Variants in CACNA2D3 observed in about 807,000 individuals in gnomAD.
CACNA2D3 encodes the protein voltage-dependent calcium channel subunit alpha-2/delta-3.
A neutral mutation model predicts 160.6 loss-of-function variants in CACNA2D3; 60 were observed. The ratio of observed to expected loss-of-function variants is 0.37; its 90% CI spans 0.30 to 0.46. The LOEUF (loss-of-function observed/expected upper bound fraction) is 0.46. Among genes scored for constraint, CACNA2D3 ranks in the 20% least tolerant of loss-of-function variants. The pLI, the probability that CACNA2D3 is intolerant of heterozygous loss-of-function variation, is 1.00. For missense variants in CACNA2D3, 1,205 were observed against 1,365.0 expected (o/e 0.88, Z 1.85); for synonymous variants, 558 against 492.9 (o/e 1.13, Z -1.75).
chr3:54,578,114 C>A (rs117529379), intron 8 of CACNA2D3, among the ~76,000 whole-genome samples: 1 of 152,286 alleles, frequency 6.6e-6, no homozygotes, highest in East Asian at 1.9e-4. Flanking sequence ...GAAGGACTAA[C>A]CACTTGGGCA....
intron 2 of CACNA2D3, among the ~76,000 whole-genome samples, chr3:54,273,884 A>G (rs538618289): frequency 1.3e-5 from 2 of 152,328 alleles, no homozygotes; most frequent in South Asian, 2.1e-4. Context: ...CTCTAGGGCA[A>G]CTAGGATTTT....
intron 11 of CACNA2D3, among the ~76,000 whole-genome samples, chr3:54,692,043 C>T (rs1354782479): frequency 6.6e-6 from 1 of 151,976 alleles, no homozygotes; most frequent in Non-Finnish European, 1.5e-5. Context: ...GGCGTGACCT[C>T]GGCTCACTGC....
At chr3:54,907,543 AT>A (rs1341876876) in intron 27 of CACNA2D3, among the ~76,000 whole-genome samples, 1 of 152,096 alleles carries the variant, frequency 6.6e-6, no homozygotes, top group African/African-American at 2.4e-5. Context: ...CTAAATTATT[AT>A]TGTCGCCCTC....
intron 2 of CACNA2D3, among the ~76,000 whole-genome samples, chr3:54,156,538 C>T (rs994554267): frequency 1.3e-5 from 2 of 152,224 alleles, no homozygotes; most frequent in Non-Finnish European, 2.9e-5. Flanking sequence ...GAGCCAGACT[C>T]CACGATGGCC....
intron 4 of CACNA2D3, among the ~76,000 whole-genome samples, chr3:54,433,993 AAGGAGCTAATCGTT>A (rs1700025939): frequency 6.6e-6 from 1 of 152,166 alleles, no homozygotes; most frequent in Non-Finnish European, 1.5e-5. Flanking sequence ...GGAAATGAGC[AAGGAGCTAATCGTT>A]CCTTGCCTGA....
Position 54,726,866 on chromosome 3 carries a change from T to C in CACNA2D3, c.1168-25733T>C, listed in dbSNP as rs535637779. Among the ~76,000 whole-genome samples the C allele has an allele frequency of 2.0e-5, 3 of 152,312 alleles. 1 individual carries two copies. Among genetic ancestry groups the C allele is most frequent in the Admixed American group, 2.0e-4 (3 of 15,300 alleles). The stretch of plus-strand genomic sequence containing the variant: ...GACATAGACATGGGCAAAGGCTTCA[T>C]GTCTAAAACACCAAAAGCAATGGCA... On this transcript the variant is annotated intron_variant, in intron 11 of 37. Transcript: ENST00000474759.
At chr3:54,488,925 A>G (rs1311243914) in intron 4 of CACNA2D3, among the ~76,000 whole-genome samples, 1 of 152,160 alleles carries the variant, frequency 6.6e-6, no homozygotes, top group Non-Finnish European at 1.5e-5. Context: ...TAGGCACATG[A>G]TAACTGAGCT....
intron 11 of CACNA2D3, among the ~76,000 whole-genome samples, chr3:54,739,747 ATATATGTGTG>A (rs1348387014): frequency 3.2e-5 from 3 of 94,314 alleles, no homozygotes; most frequent in Non-Finnish European, 6.1e-5. Flanking sequence ...CCTTCTCCTC[ATATATGTGTG>A]TGTGTGTGTG....
At chr3:54,310,631 C>T (rs934570286) in intron 2 of CACNA2D3, among the ~76,000 whole-genome samples, 103 of 152,154 alleles carry the variant, frequency 6.8e-4, no homozygotes, top group African/African-American at 2.3e-3. Flanking sequence ...AGAGCAACAT[C>T]GGGAGCTAGT....
At chr3:54,892,364 G>C (rs1424309702) in intron 25 of CACNA2D3, among the ~76,000 whole-genome samples, 1 of 151,952 alleles carries the variant, frequency 6.6e-6, no homozygotes, top group African/African-American at 2.4e-5. Flanking sequence ...GCTCATCAGG[G>C]GTCCAAGGAG....
At chr3:54,661,514 T>A (rs139356661) in intron 11 of CACNA2D3, among the ~76,000 whole-genome samples, 11 of 152,274 alleles carry the variant, frequency 7.2e-5, no homozygotes, top group African/African-American at 2.6e-4. Flanking sequence ...TACTGACTCT[T>A]TCCCTTCCTC....
At chr3:54,996,416 G>T (rs76890706) in intron 31 of CACNA2D3, among the ~76,000 whole-genome samples, 1 of 152,200 alleles carries the variant, frequency 6.6e-6, no homozygotes, top group East Asian at 1.9e-4. Flanking sequence ...AAACCAGCTG[G>T]CAGCTAGGTG....
At chr3:54,212,146 T>C (rs1701385921) in intron 2 of CACNA2D3, among the ~76,000 whole-genome samples, 1 of 152,050 alleles carries the variant, frequency 6.6e-6, no homozygotes, top group Admixed American at 6.6e-5. Flanking sequence ...ACATAGAAAA[T>C]ATATTTTGCC....
intron 14 of CACNA2D3, among the ~76,000 whole-genome samples, chr3:54,825,522 T>G (rs1345112503): frequency 1.3e-5 from 2 of 152,216 alleles, no homozygotes; most frequent in Non-Finnish European, 2.9e-5. Context: ...CTTGGTAGAT[T>G]TAGAACACCT....
Position 54,273,481 on chromosome 3 carries a change from C to G in CACNA2D3, c.205-46961C>G, listed in dbSNP as rs182842350. Among the ~76,000 whole-genome samples, 22 of 152,306 alleles carry G rather than the reference C, an allele frequency of 1.4e-4. 1 individual carries two copies. Among genetic ancestry groups the G allele is most frequent in the African/African-American group, 4.6e-4 (19 of 41,546 alleles). On this transcript the variant is annotated intron_variant, in intron 2 of 37. Transcript: ENST00000474759. Reference sequence around the variant, plus strand: ...ATGCCCCAATCACATATAAACTAAACCATTTTCTGTTCCTTGCGTTCTGGC... The same window carrying G: ...ATGCCCCAATCACATATAAACTAAAGCATTTTCTGTTCCTTGCGTTCTGGC...
chr3:54,918,545 C>T, intron 27 of CACNA2D3: 1 of 1,614,040 alleles, frequency 6.2e-7, no homozygotes, highest in Non-Finnish European at 8.5e-7. Flanking sequence ...TGGTACTGGG[C>T]TGTGATTGCC....
At chr3:54,900,123 G>A (rs1015917973) in intron 27 of CACNA2D3, among the ~76,000 whole-genome samples, 7 of 152,190 alleles carry the variant, frequency 4.6e-5, no homozygotes, top group African/African-American at 1.7e-4. Context: ...GAAATTGTCA[G>A]TACTTGCCGA....
chr3:54,826,580 G>T (rs1259677911), intron 14 of CACNA2D3, among the ~76,000 whole-genome samples: 1 of 152,116 alleles, frequency 6.6e-6, no homozygotes. Flanking sequence ...ATCCATATTT[G>T]CCCAGGCCTG....
chr3:54,204,535 G>A lies in CACNA2D3; in HGVS notation c.204+80941G>A, dbSNP rs540170287. The stretch of plus-strand genomic sequence containing the variant: ...CATGGGGCCAGGCACGGTGGCTCAC[G>A]CCTGTAATCCCAGCACTTTGGGAGG... On this transcript the variant is annotated intron_variant, in intron 2 of 37. Transcript: ENST00000474759. Among the ~76,000 whole-genome samples, 6 of 152,034 alleles carry A rather than the reference G, an allele frequency of 3.9e-5. No individual in the cohort carries two copies. In the East Asian group the frequency reaches 9.7e-4, roughly 25 times the overall value.
Sources: allele counts gnomAD v4.1 joint callset (sites outside exome capture counted in the v4.1 genomes callset), GRCh38; gene constraint gnomAD v4.1.1; transcripts MANE v1.5; gene names NCBI Gene and HGNC (gene_info 2026-07-23, HGNC 2026-07-21).